The following IQCM variants were observed in gnomAD, a reference collection of about 807,000 sequenced individuals.
IQCM encodes IQ domain-containing protein M.
Under a neutral mutation model 57.6 loss-of-function variants are expected in IQCM, and 45 were observed. That is an observed-to-expected ratio of 0.78 (90% CI 0.62 to 1.00). The LOEUF is 1.00. IQCM is among the 50% of genes least tolerant of loss of function. The probability of loss-of-function intolerance (pLI) is 0.00; values close to 1 mark genes in which losing one functional copy is unlikely to be tolerated. For synonymous variants in IQCM, 148 were observed against 158.9 expected (o/e 0.93, Z 0.51); for missense variants, 468 against 511.6 (o/e 0.91, Z 0.82).
intron 7 of IQCM, among the ~76,000 whole-genome samples, chr4:149,676,795 TAATAAG>T (rs1761787915): frequency 6.6e-6 from 1 of 152,190 alleles, no homozygotes; most frequent in Non-Finnish European, 1.5e-5. Context: ...CTTTTTCCTT[TAATAAG>T]AATAATTCTT....
intron 8 of IQCM, among the ~76,000 whole-genome samples, chr4:149,608,073 G>GA (rs1252107426): frequency 6.6e-6 from 1 of 151,150 alleles, no homozygotes; most frequent in African/African-American, 2.4e-5. Flanking sequence ...TAAAGGAATG[G>GA]AAAAAAAATA....
intron 13 of IQCM, among the ~76,000 whole-genome samples, chr4:149,404,222 G>C (rs1033442980): frequency 1.3e-5 from 2 of 151,994 alleles, no homozygotes; most frequent in African/African-American, 2.4e-5. Context: ...ACAGAACTGA[G>C]TAGATAGAGG....
intron 2 of IQCM, among the ~76,000 whole-genome samples, chr4:149,792,839 GCAC>G (rs1371510598): frequency 6.6e-6 from 1 of 152,180 alleles, no homozygotes; most frequent in African/African-American, 2.4e-5. Context: ...AGGTAGTAAT[GCAC>G]CTGACTGATC....
At chr4:149,780,546 T>TATATATATATA (rs59087898) in intron 2 of IQCM, among the ~76,000 whole-genome samples, 2 of 150,878 alleles carry the variant, frequency 1.3e-5, no homozygotes, top group African/African-American at 2.4e-5. Context: ...TATATATATA[T>TATATATATATA]AAAACATATT....
At position 149,500,472 on chromosome 4, in the gene IQCM, A is replaced by C. The variant is rs148049057; in HGVS notation, c.1228+47983T>G. ...GAAAAGAGTTCAAATATTCAGACCC[A>C]GATTACTGAAATAGAGATGGCTGAG... On this transcript the variant is annotated intron_variant, in intron 12 of 13. Coordinates refer to ENST00000636793, the MANE Select transcript of IQCM (RefSeq NM_001363507.2). Among the ~76,000 whole-genome samples, 6 of 152,328 alleles carry C rather than the reference A, an allele frequency of 3.9e-5. No homozygotes were observed. In the East Asian group the frequency reaches 1.2e-3, roughly 29 times the overall value.
intron 7 of IQCM, among the ~76,000 whole-genome samples, chr4:149,672,861 T>A (rs1761423331): frequency 6.6e-6 from 1 of 152,110 alleles, no homozygotes; most frequent in East Asian, 1.9e-4. Context: ...GAAAAAATGT[T>A]AAGGGCAGCC....
intron 12 of IQCM, among the ~76,000 whole-genome samples, chr4:149,547,760 A>G (rs1335448381): frequency 6.6e-6 from 1 of 152,186 alleles, no homozygotes; most frequent in Non-Finnish European, 1.5e-5. Flanking sequence ...CCAAATCATC[A>G]TATTACATCT....
intron 5 of IQCM, among the ~76,000 whole-genome samples, chr4:149,705,283 A>G (rs1488044361): frequency 6.7e-6 from 1 of 149,008 alleles, no homozygotes. Flanking sequence ...GGCTCTGGAG[A>G]GCCCTAATAC....
chr4:149,462,129 G>A (rs1396932185), intron 12 of IQCM, among the ~76,000 whole-genome samples: 1 of 152,138 alleles, frequency 6.6e-6, no homozygotes, highest in Non-Finnish European at 1.5e-5. Flanking sequence ...ATTTGTTAAT[G>A]TTCTGTATCT....
At chr4:149,435,526 T>C (rs1158924022) in intron 12 of IQCM, among the ~76,000 whole-genome samples, 2 of 151,744 alleles carry the variant, frequency 1.3e-5, no homozygotes, top group Non-Finnish European at 2.9e-5. Context: ...GTATTTACCA[T>C]ACTATAATTT....
chr4:149,602,806 T>C (rs906860181), intron 8 of IQCM, among the ~76,000 whole-genome samples: 2 of 152,084 alleles, frequency 1.3e-5, no homozygotes, highest in Non-Finnish European at 2.9e-5. Flanking sequence ...CTATTTTTTG[T>C]TGATTATCAG....
At chr4:149,482,439 T>C (rs1560897354) in intron 12 of IQCM, among the ~76,000 whole-genome samples, 1 of 152,056 alleles carries the variant, frequency 6.6e-6, no homozygotes, top group Non-Finnish European at 1.5e-5. Flanking sequence ...TTTTATTATG[T>C]TGAGGTATGC....
chr4:149,436,275 T>G (rs1454887904), intron 12 of IQCM, among the ~76,000 whole-genome samples: 1 of 152,126 alleles, frequency 6.6e-6, no homozygotes, highest in Non-Finnish European at 1.5e-5. Flanking sequence ...TTCATATGCT[T>G]CAATATCAGG....
intron 12 of IQCM, among the ~76,000 whole-genome samples, chr4:149,529,309 C>T (rs576437445): frequency 4.6e-5 from 7 of 152,296 alleles, no homozygotes; most frequent in African/African-American, 1.2e-4. Context: ...AAGTGATCTG[C>T]GGGCCTTGGC....
chr4:149,587,984 G>T lies in IQCM; in HGVS notation c.695C>A (p.Thr232Asn). Residue 232 changes from threonine to asparagine, a missense_variant, in exon 9 of 14, where the codon ACC (threonine) becomes AAC (asparagine). Physicochemically the swap from Thr to Asn is moderately conservative, Grantham distance 65. Coordinates refer to ENST00000636793, the MANE Select transcript of IQCM (RefSeq NM_001363507.2). ...FRDYYSKTFK[T>N]LIKKERQPIK... Reference sequence around the variant, plus strand: ...AGGTTGTCGCTCCTTTTTAATAAGGGTTTTAAAGGTTTTCTATAATAAGGA... The same window carrying T: ...AGGTTGTCGCTCCTTTTTAATAAGGTTTTTAAAGGTTTTCTATAATAAGGA... 7.4e-6 allele frequency: 9 copies of T among 1,221,522 alleles called. No individual in the cohort carries two copies. The highest frequency in any genetic ancestry group is 1.6e-5 in the African/African-American group (1 of 64,118). The allele number at this position is 1,221,522 out of a possible 1,614,324, so 75.7% of individuals were successfully genotyped here.
At chr4:149,658,027 T>C (rs959830037) in intron 7 of IQCM, among the ~76,000 whole-genome samples, 1 of 152,082 alleles carries the variant, frequency 6.6e-6, no homozygotes, top group African/African-American at 2.4e-5. Flanking sequence ...TTTGATGTAA[T>C]CATATTTGGT....
At chr4:149,716,609 G>A (rs1464880687) in intron 5 of IQCM, among the ~76,000 whole-genome samples, 3 of 152,176 alleles carry the variant, frequency 2.0e-5, no homozygotes, top group Admixed American at 6.5e-5. Flanking sequence ...AGCCAAGCCT[G>A]CCCGGCTGCA....
intron 5 of IQCM, among the ~76,000 whole-genome samples, chr4:149,711,921 A>G (rs1351943974): frequency 6.6e-6 from 1 of 152,184 alleles, no homozygotes; most frequent in Non-Finnish European, 1.5e-5. Context: ...TTTTTGATCC[A>G]TCTTCACTAA....
At chr4:149,776,475 A>G (rs1000569463) in intron 2 of IQCM, among the ~76,000 whole-genome samples, 1 of 152,182 alleles carries the variant, frequency 6.6e-6, no homozygotes, top group African/African-American at 2.4e-5. Context: ...TGCTGCATCA[A>G]TAACTGTAAC....
Sources: gnomAD v4.1 joint callset for allele counts (sites outside exome capture counted in the v4.1 genomes callset) on GRCh38, gnomAD v4.1.1 for gene constraint, MANE v1.5 for transcripts, NCBI Gene and HGNC (gene_info 2026-07-23, HGNC 2026-07-21) for gene names.